Variants in PREX1 observed in about 807,000 individuals in gnomAD.
PREX1 encodes the protein phosphatidylinositol 3,4,5-trisphosphate-dependent Rac exchanger 1 protein.
PREX1 carries 41 observed loss-of-function variants against 198.3 expected under a neutral mutation model. That is an observed-to-expected ratio of 0.21 (90% CI 0.16 to 0.27). The LOEUF (loss-of-function observed/expected upper bound fraction) is 0.27, where lower values mean the gene tolerates loss of function less well. Among genes scored for constraint, PREX1 ranks in the 10% least tolerant of loss-of-function variants. The pLI, the probability that PREX1 is intolerant of heterozygous loss-of-function variation, is 1.00. For synonymous variants in PREX1, 843 were observed against 887.2 expected, an observed-to-expected ratio of 0.95 and a Z score of 0.89; for missense variants, 1,620 against 2,200.7, an observed-to-expected ratio of 0.74 and a Z score of 5.28.
the PREX1 span, among the ~76,000 whole-genome samples, chr20:48,869,117 C>T: frequency 2.0e-5 from 3 of 152,102 alleles, no homozygotes; most frequent in Admixed American, 2.0e-4. Flanking sequence ...TCAAGTGATC[C>T]TCCTGCCTTG....
the PREX1 span, among the ~76,000 whole-genome samples, chr20:48,872,106 C>T: frequency 9.8e-6 from 1 of 102,118 alleles, no homozygotes; most frequent in Non-Finnish European, 2.3e-5. Flanking sequence ...TTGCAGTGAG[C>T]CGAGATCATG....
At chr20:48,651,142 G>C in intron 22 of PREX1, 87 bp from the exon 23 acceptor site, 4 of 1,493,594 alleles carry the variant, frequency 2.7e-6, no homozygotes, top group Non-Finnish European at 3.6e-6. Flanking sequence ...TGTACTACTC[G>C]TAATACCCCC....
chr20:48,687,128 C>A (rs1222010944), intron 10 of PREX1, among the ~76,000 whole-genome samples: 1 of 152,256 alleles, frequency 6.6e-6, no homozygotes, highest in Admixed American at 6.5e-5. Flanking sequence ...GGTTCCCCTG[C>A]ACAGTTCAGG....
At chr20:48,859,625 T>C in the PREX1 span, among the ~76,000 whole-genome samples, 1 of 152,242 alleles carries the variant, frequency 6.6e-6, no homozygotes, top group African/African-American at 2.4e-5. Context: ...ATGGTACAGC[T>C]GCTGTAGACC....
At chr20:48,735,082 G>A in intron 3 of PREX1, among the ~76,000 whole-genome samples, 1 of 152,182 alleles carries the variant, frequency 6.6e-6, no homozygotes, top group East Asian at 1.9e-4. Flanking sequence ...ATGCCCCTGA[G>A]CCCAAAGATG....
At chr20:48,879,505 T>G in the PREX1 span, among the ~76,000 whole-genome samples, 2 of 152,200 alleles carry the variant, frequency 1.3e-5, no homozygotes, top group Admixed American at 1.3e-4. Context: ...TAGCTCATTC[T>G]ACTATCTAGC....
chr20:48,785,450 T>C (rs1952597909), intron 1 of PREX1, among the ~76,000 whole-genome samples: 1 of 152,182 alleles, frequency 6.6e-6, no homozygotes, highest in Admixed American at 6.5e-5. Flanking sequence ...TGCCATCCAT[T>C]CTGCTCAAGA....
At chr20:48,749,415 G>A (rs1042244590) in intron 1 of PREX1, among the ~76,000 whole-genome samples, 1 of 152,186 alleles carries the variant, frequency 6.6e-6, no homozygotes, top group African/African-American at 2.4e-5. Flanking sequence ...ATTAAGACAT[G>A]GGCTGCAGGG....
intron 1 of PREX1, among the ~76,000 whole-genome samples, chr20:48,763,640 G>C (rs1252822937): frequency 6.6e-6 from 1 of 152,164 alleles, no homozygotes; most frequent in African/African-American, 2.4e-5. Flanking sequence ...CTTAGCTGGT[G>C]AAGGATTGTA....
chr20:48,694,054 C>G (rs1195347414), intron 7 of PREX1, among the ~76,000 whole-genome samples: 1 of 152,028 alleles, frequency 6.6e-6, no homozygotes, highest in Non-Finnish European at 1.5e-5. Context: ...TGGGACTACA[C>G]GCATGTGCCA....
chr20:48,759,549 CAAAAAAAAAA>C (rs386393896), intron 1 of PREX1, among the ~76,000 whole-genome samples: 1 of 73,978 alleles, frequency 1.4e-5, no homozygotes, highest in Non-Finnish European at 2.5e-5. Flanking sequence ...GATTCCATCT[CAAAAAAAAAA>C]AAAAAAAAAG....
chr20:48,841,780 C>G, the PREX1 span, among the ~76,000 whole-genome samples: 1 of 152,194 alleles, frequency 6.6e-6, no homozygotes, highest in African/African-American at 2.4e-5. Flanking sequence ...TGCATGAAGA[C>G]TACCTTCTTC....
intron 1 of PREX1, among the ~76,000 whole-genome samples, chr20:48,766,254 A>G (rs1233513282): frequency 6.6e-6 from 1 of 152,264 alleles, no homozygotes; most frequent in East Asian, 1.9e-4. Context: ...GTGGAAAAAA[A>G]TGTCTTCCAG....
intron 1 of PREX1, among the ~76,000 whole-genome samples, chr20:48,799,830 GC>G (rs1461546443): frequency 6.6e-6 from 1 of 152,180 alleles, no homozygotes; most frequent in Non-Finnish European, 1.5e-5. Context: ...GGGCACAAGG[GC>G]CCTGCTTATC....
At position 48,700,647 on chromosome 20, in the gene PREX1, C is replaced by T. The variant is rs1601084982; in HGVS notation, c.917+106G>A. 2.7e-6 allele frequency: 4 copies of T among 1,466,620 alleles called. No individual in the cohort carries two copies. In the Admixed American group the frequency reaches 5.2e-5, roughly 19 times the overall value. 90.9% of individuals were successfully genotyped at this position (1,466,620 alleles called of 1,614,324 possible). A position where few individuals can be genotyped will look rare whatever the true frequency, so the allele number is the denominator to read the frequency against. On this transcript the variant is annotated intron_variant, in intron 7 of 39. Transcript: ENST00000371941. ...AGACAGCACTGATGTAGAACAAACC[C>T]CTCAACTCACAGGAAAGGGAGGCCC...
chr20:48,728,896 C>T (rs2090021173), intron 4 of PREX1, among the ~76,000 whole-genome samples: 1 of 152,158 alleles, frequency 6.6e-6, no homozygotes, highest in African/African-American at 2.4e-5. Flanking sequence ...CACTACATTT[C>T]AGGCACTATG....
chr20:48,716,116 G>A (rs994179500), intron 5 of PREX1, among the ~76,000 whole-genome samples: 4 of 152,206 alleles, frequency 2.6e-5, no homozygotes, highest in Admixed American at 6.5e-5. Context: ...AGAGAGGGGT[G>A]TGCCAGGGCT....
chr20:48,711,125 T>C (rs536656255), intron 5 of PREX1, among the ~76,000 whole-genome samples: 1 of 152,342 alleles, frequency 6.6e-6, no homozygotes, highest in African/African-American at 2.4e-5. Context: ...TTATGGCTAC[T>C]GCCAAAGTCC....
chr20:48,727,265 G>A (rs900440107), intron 4 of PREX1, among the ~76,000 whole-genome samples: 11 of 151,970 alleles, frequency 7.2e-5, no homozygotes, highest in Non-Finnish European at 1.5e-5. Flanking sequence ...CCTCTATTTT[G>A]GCTTGCAGAG....
Sources: gnomAD v4.1 joint callset for allele counts (sites outside exome capture counted in the v4.1 genomes callset) on GRCh38, gnomAD v4.1.1 for gene constraint, MANE v1.5 for transcripts, NCBI Gene and HGNC (gene_info 2026-07-23, HGNC 2026-07-21) for gene names.